Variants in PTPRG observed in about 807,000 individuals in gnomAD.
PTPRG encodes receptor-type tyrosine-protein phosphatase gamma.
PTPRG carries 102 observed loss-of-function variants against 165.3 expected under a neutral mutation model. The ratio of observed to expected loss-of-function variants is 0.62; its 90% CI spans 0.53 to 0.73. The LOEUF (loss-of-function observed/expected upper bound fraction) is 0.73, where lower values mean the gene tolerates loss of function less well. Ranked by LOEUF, PTPRG falls within the 30% of genes least tolerant of loss-of-function variation. The pLI is 0.00. For synonymous variants in PTPRG, 675 were observed against 669.5 expected (o/e 1.01, Z -0.13); for missense variants, 1,866 against 1,861.4 (o/e 1.00, Z -0.05).
chr3:61,866,582 CTTTTTTTTTTTTTTTTTTTTTTTTT>C (rs532356516), intron 2 of PTPRG, among the ~76,000 whole-genome samples: 1 of 69,068 alleles, frequency 1.4e-5, no homozygotes, highest in Non-Finnish European at 3.0e-5. Context: ...ACTGTTTGCT[CTTTTTTTTTTTTTTTTTTTTTTTTT>C]TTTTTTTTTT....
intron 2 of PTPRG, among the ~76,000 whole-genome samples, chr3:61,841,114 A>T (rs1575711053): frequency 6.6e-6 from 1 of 152,094 alleles, no homozygotes; most frequent in South Asian, 2.1e-4. Flanking sequence ...GCCCTTTTCC[A>T]TCCACTGATT....
intron 8 of PTPRG, among the ~76,000 whole-genome samples, chr3:62,173,384 A>C (rs1195509882): frequency 6.6e-6 from 1 of 152,314 alleles, no homozygotes; most frequent in East Asian, 1.9e-4. Flanking sequence ...TATGTAAATG[A>C]GCATAGAAAA....
At position 62,292,538 on chromosome 3, in the gene PTPRG, T is replaced by C. The variant is rs752633898; in HGVS notation, c.4173T>C (p.Pro1391=). Residue 1391 remains proline, a synonymous_variant, in exon 29 of 30, where the codon CCT becomes CCC. Transcript: ENST00000474889. ...QVAKMINLMR[P]GVFTDIEQYQ... is the part of the protein sequence containing the mutation. ...CAAAAATGATCAATCTTATGAGGCC[T>C]GGAGTATTCACAGACATTGTAAGTA... 4 of 1,613,350 alleles carry C rather than the reference T, an allele frequency of 2.5e-6. No homozygotes were observed. In the South Asian group the frequency reaches 4.4e-5, roughly 18 times the overall value.
At chr3:61,589,945 T>C (rs1275116668) in intron 1 of PTPRG, among the ~76,000 whole-genome samples, 1 of 151,868 alleles carries the variant, frequency 6.6e-6, no homozygotes, top group Non-Finnish European at 1.5e-5. Flanking sequence ...AGACCCACAG[T>C]TTAGGGAATC....
At chr3:61,843,834 A>C (rs1295790619) in intron 2 of PTPRG, among the ~76,000 whole-genome samples, 11 of 152,016 alleles carry the variant, frequency 7.2e-5, no homozygotes, top group Admixed American at 1.3e-4. Flanking sequence ...TAAAAAAAAA[A>C]ACAAAAAACC....
intron 4 of PTPRG, among the ~76,000 whole-genome samples, chr3:62,009,394 C>G (rs1014219614): frequency 2.6e-5 from 4 of 152,154 alleles, no homozygotes; most frequent in African/African-American, 9.7e-5. Context: ...TTTAGGCTGA[C>G]CTTGTTCTGT....
chr3:62,184,875 G>A (rs1036837167), intron 8 of PTPRG, among the ~76,000 whole-genome samples: 6 of 152,126 alleles, frequency 3.9e-5, no homozygotes, highest in African/African-American at 1.5e-4. Context: ...GTTGCGTCGG[G>A]TGTGAAACTC....
At chr3:61,756,263 C>G (rs548460526) in intron 2 of PTPRG, among the ~76,000 whole-genome samples, 4 of 152,166 alleles carry the variant, frequency 2.6e-5, no homozygotes, top group Non-Finnish European at 4.4e-5. Flanking sequence ...TTGTATTTCC[C>G]TGTTGCTACC....
chr3:62,237,679 T>A lies in PTPRG; in HGVS notation c.2376-6128T>A, dbSNP rs1701064136. Among the ~76,000 whole-genome samples, 1 of 152,172 alleles carries A rather than the reference T, an allele frequency of 6.6e-6. No individual in the cohort carries two copies. Among genetic ancestry groups the A allele is most frequent in the African/African-American group, 2.4e-5 (1 of 41,436 alleles). On this transcript the variant is annotated intron_variant, in intron 14 of 29. Transcript: ENST00000474889. The surrounding 1 kb of genome is among the most constrained non-coding windows in gnomAD (Gnocchi z 4.5). ...TTAGAAATTTCAGTCCAAGAGAAAA[T>A]ATTCCTAATCACAAGCTTCATGTGT...
At chr3:62,074,180 AGTGTGTGTGTGT>A (rs140019903) in intron 4 of PTPRG, among the ~76,000 whole-genome samples, 7 of 143,686 alleles carry the variant, frequency 4.9e-5, no homozygotes, top group Non-Finnish European at 7.6e-5. Flanking sequence ...AAAAAGTGAG[AGTGTGTGTGTGT>A]GTGTGTGTGT....
chr3:62,039,513 T>G (rs1348929787), intron 4 of PTPRG, among the ~76,000 whole-genome samples: 1 of 152,198 alleles, frequency 6.6e-6, no homozygotes, highest in Non-Finnish European at 1.5e-5. Flanking sequence ...TGGGTGTTTA[T>G]TCTACATTTT....
intron 12 of PTPRG, among the ~76,000 whole-genome samples, chr3:62,204,978 G>A (rs996852635): frequency 5.3e-5 from 8 of 151,196 alleles, no homozygotes; most frequent in Admixed American, 2.6e-4. Context: ...TTTTTTTTGC[G>A]TCTAAGCTGT....
chr3:61,891,888 T>A (rs968664220), intron 2 of PTPRG, among the ~76,000 whole-genome samples: 1 of 152,176 alleles, frequency 6.6e-6, no homozygotes, highest in African/African-American at 2.4e-5. Context: ...TTTGTGTGAT[T>A]TCACTAAGTT....
chr3:62,248,786 T>C (rs1189537473), intron 15 of PTPRG, among the ~76,000 whole-genome samples: 1 of 152,206 alleles, frequency 6.6e-6, no homozygotes, highest in East Asian at 1.9e-4. Context: ...AATCTAACTT[T>C]CTAATAAGAG....
chr3:62,041,165 A>G (rs1361262175), intron 4 of PTPRG, among the ~76,000 whole-genome samples: 5 of 152,142 alleles, frequency 3.3e-5, no homozygotes, highest in Non-Finnish European at 5.9e-5. Flanking sequence ...CACTTACAAT[A>G]TATTCAGTGT....
intron 2 of PTPRG, among the ~76,000 whole-genome samples, chr3:61,940,673 T>TTTA (rs1559701797): frequency 4.6e-5 from 6 of 130,336 alleles, no homozygotes; most frequent in African/African-American, 8.2e-5. Flanking sequence ...TTATTTATTT[T>TTTA]TTATTTTTTT....
At chr3:62,251,508 C>A (rs557006153) in intron 15 of PTPRG, among the ~76,000 whole-genome samples, 1 of 152,074 alleles carries the variant, frequency 6.6e-6, no homozygotes, top group African/African-American at 2.4e-5. Flanking sequence ...CATGGTGGCA[C>A]GGAACTATAC....
intron 1 of PTPRG, among the ~76,000 whole-genome samples, chr3:61,635,839 A>C (rs1701894518): frequency 6.6e-6 from 1 of 152,142 alleles, no homozygotes; most frequent in Non-Finnish European, 1.5e-5. Context: ...TCATCCATGA[A>C]AAATATTAGA....
At chr3:62,281,929 A>C (rs1040433470) in intron 27 of PTPRG, among the ~76,000 whole-genome samples, 1 of 152,028 alleles carries the variant, frequency 6.6e-6, no homozygotes, top group Admixed American at 6.6e-5. Context: ...CATGCATACA[A>C]ATAGGTCTGT....
Sources: allele counts gnomAD v4.1 joint callset (sites outside exome capture counted in the v4.1 genomes callset), GRCh38; gene constraint gnomAD v4.1.1; non-coding constraint Gnocchi (gnomAD v3.1); transcripts MANE v1.5; gene names NCBI Gene and HGNC (gene_info 2026-07-23, HGNC 2026-07-21).